The following CPEB1 variants were observed in gnomAD, a reference collection of about 807,000 sequenced individuals.
CPEB1 encodes the protein cytoplasmic polyadenylation element-binding protein 1.
CPEB1 carries 7 observed loss-of-function variants against 65.8 expected under a neutral mutation model. That is an observed-to-expected ratio of 0.11 (90% CI 0.06 to 0.20). The LOEUF (loss-of-function observed/expected upper bound fraction) is 0.20. Among genes scored for constraint, CPEB1 ranks in the 10% least tolerant of loss-of-function variants. CPEB1 has a pLI of 1.00. For synonymous variants in CPEB1, 262 were observed against 260.0 expected (o/e 1.01, Z -0.08); for missense variants, 551 against 712.2 (o/e 0.77, Z 2.58).
At chr15:82,596,315 G>A (rs999830502) in intron 3 of CPEB1, among the ~76,000 whole-genome samples, 5 of 152,114 alleles carry the variant, frequency 3.3e-5, no homozygotes. Flanking sequence ...CTTCTGACAT[G>A]AGAAGATTTA....
chr15:82,640,918 AG>A (rs1434844184), intron 1 of CPEB1: 2 of 152,078 alleles, frequency 1.3e-5, no homozygotes, highest in Non-Finnish European at 2.9e-5. Flanking sequence ...AAAAAAAAAA[AG>A]GAAGCCATAG....
intron 4 of CPEB1, among the ~76,000 whole-genome samples, chr15:82,563,891 A>G (rs2038664416): frequency 6.6e-6 from 1 of 152,098 alleles, no homozygotes; most frequent in Non-Finnish European, 1.5e-5. Context: ...TGCCTCTTTC[A>G]AGGTAACTTA....
intron 3 of CPEB1, among the ~76,000 whole-genome samples, chr15:82,581,499 T>C (rs2041279748): frequency 6.6e-6 from 1 of 152,150 alleles, no homozygotes; most frequent in Non-Finnish European, 1.5e-5. Context: ...GGTAACACTA[T>C]GTTTAATTTT....
chr15:82,563,369 T>C (rs1045815320), intron 4 of CPEB1, among the ~76,000 whole-genome samples: 2 of 148,454 alleles, frequency 1.3e-5, no homozygotes. Flanking sequence ...TTTTTTTTTT[T>C]TTTTTTTTTT....
chr15:82,611,339 AAAAAT>A (rs1162560561), intron 3 of CPEB1, among the ~76,000 whole-genome samples: 1 of 152,202 alleles, frequency 6.6e-6, no homozygotes, highest in African/African-American at 2.4e-5. Context: ...CAATAGCATG[AAAAAT>A]AAATATACTT....
chr15:82,641,183 C>T (rs1459423047), intron 1 of CPEB1, among the ~76,000 whole-genome samples: 4 of 152,044 alleles, frequency 2.6e-5, no homozygotes, highest in African/African-American at 7.2e-5. Flanking sequence ...ATGTAGGAGA[C>T]AGGTCTCTAA....
At chr15:82,647,977 G>A (rs2047721588), upstream of CPEB1, 5 of 883,360 alleles carry the variant, frequency 5.7e-6, no homozygotes, top group Admixed American at 4.4e-5. Flanking sequence ...GCGCAGCCCC[G>A]CACCCCGGCA....
At chr15:82,627,401 C>A (rs1361586127) in intron 2 of CPEB1, 34 bp from the exon 3 acceptor site, 1 of 1,538,096 alleles carries the variant, frequency 6.5e-7, no homozygotes, top group Non-Finnish European at 8.8e-7. Flanking sequence ...TTTAGGTTTT[C>A]TACACTCCTT....
chr15:82,617,890 C>T (rs1415819893), intron 3 of CPEB1, among the ~76,000 whole-genome samples: 5 of 150,880 alleles, frequency 3.3e-5, no homozygotes, highest in Non-Finnish European at 7.4e-5. Flanking sequence ...CCCGCCACTA[C>T]GCCCGGCTAA....
chr15:82,601,961 C>A (rs1000426914), intron 3 of CPEB1, among the ~76,000 whole-genome samples: 13 of 152,140 alleles, frequency 8.5e-5, no homozygotes, highest in Admixed American at 2.0e-4. Context: ...TATATTCCCC[C>A]TGCAAAAAAG....
At chr15:82,548,215 G>T (rs1171799326) in intron 10 of CPEB1, among the ~76,000 whole-genome samples, 3 of 151,874 alleles carry the variant, frequency 2.0e-5, no homozygotes, top group Non-Finnish European at 2.9e-5. Flanking sequence ...CACACCTGTA[G>T]TCCCAGCTAC....
chr15:82,628,316 G>C (rs2045948051), intron 2 of CPEB1, 48 bp downstream of exon 2: 1 of 702,374 alleles, frequency 1.4e-6, no homozygotes, highest in Admixed American at 2.0e-5. Flanking sequence ...GGTTGGGAGT[G>C]AAGATTTCCA....
At chr15:82,548,558 G>A in intron 10 of CPEB1, 1 of 324,902 alleles carries the variant, frequency 3.1e-6, no homozygotes, top group Non-Finnish European at 6.2e-6. Flanking sequence ...TGCAGGTAGA[G>A]CATAGGTTAA....
Position 82,560,400 on chromosome 15 carries a change from G to GTTT in CPEB1, c.461-2417_461-2415dup, listed in dbSNP as rs548856094. Among the ~76,000 whole-genome samples, 35 of 134,356 alleles carry GTTT rather than the reference G, an allele frequency of 2.6e-4. 1 individual carries two copies. The Middle Eastern group carries it at 0.019, about 74-fold the overall frequency. The allele number at this position is 134,356 out of a possible 152,430, so 88.1% of individuals were successfully genotyped here. ...AATAGTTTTTATCTTATTGTCATTT[G>GTTT]TTTTTTTTTTTTTTTTTGAGACAGG... On this transcript the variant is annotated intron_variant, in intron 4 of 12. Coordinates refer to ENST00000684509, the MANE Select transcript of CPEB1 (RefSeq NM_001365242.1).
At chr15:82,557,195 G>T (rs1884273101) in intron 5 of CPEB1, among the ~76,000 whole-genome samples, 1 of 152,170 alleles carries the variant, frequency 6.6e-6, no homozygotes, top group East Asian at 1.9e-4. Flanking sequence ...CATGGCTGTA[G>T]ATAAGGAACG....
chr15:82,616,202 T>C (rs2044691507), intron 3 of CPEB1, among the ~76,000 whole-genome samples: 1 of 152,044 alleles, frequency 6.6e-6, no homozygotes, highest in South Asian at 2.1e-4. Context: ...ATTTCTTGAT[T>C]TGAGCTTGAG....
chr15:82,598,902 A>G (rs532420101), intron 3 of CPEB1, among the ~76,000 whole-genome samples: 225 of 152,286 alleles, frequency 1.5e-3, no homozygotes, highest in Middle Eastern at 3.4e-3. Context: ...TTAACATAAA[A>G]CCTATACCTT....
At chr15:82,601,657 A>G (rs755116076) in intron 3 of CPEB1, among the ~76,000 whole-genome samples, 40 of 152,220 alleles carry the variant, frequency 2.6e-4, no homozygotes, top group Non-Finnish European at 4.9e-4. Context: ...GTCTTACAAT[A>G]TAAGGTCACT....
intron 3 of CPEB1, among the ~76,000 whole-genome samples, chr15:82,593,496 C>G (rs770141224): frequency 6.6e-6 from 1 of 152,330 alleles, no homozygotes; most frequent in East Asian, 1.9e-4. Context: ...ATTTCCACCA[C>G]GTGTGTAGTT....
Sources: allele counts gnomAD v4.1 joint callset (sites outside exome capture counted in the v4.1 genomes callset), GRCh38; gene constraint gnomAD v4.1.1; transcripts MANE v1.5; gene names NCBI Gene and HGNC (gene_info 2026-07-23, HGNC 2026-07-21).